The following EXT1 variants were observed in gnomAD, a reference collection of about 807,000 sequenced individuals.
EXT1 encodes the protein exostosin glycosyltransferase 1.
Under a neutral mutation model 82.5 loss-of-function variants are expected in EXT1, and 20 were observed. The ratio of observed to expected loss-of-function variants is 0.24; its 90% CI spans 0.17 to 0.35. The LOEUF is 0.35. Ranked by LOEUF, EXT1 falls within the 10% of genes least tolerant of loss-of-function variation. EXT1 has a pLI of 1.00. For missense variants in EXT1, 757 were observed against 936.5 expected, an observed-to-expected ratio of 0.81 and a Z score of 2.50; for synonymous variants, 348 against 350.8, an observed-to-expected ratio of 0.99 and a Z score of 0.09.
chr8:118,029,300 C>A (rs1370733650), intron 1 of EXT1, among the ~76,000 whole-genome samples: 1 of 152,084 alleles, frequency 6.6e-6, no homozygotes, highest in African/African-American at 2.4e-5. Flanking sequence ...GCGGTGTGCA[C>A]CTGTAGTCCT....
intron 1 of EXT1, among the ~76,000 whole-genome samples, chr8:118,091,030 A>G (rs1037471738): frequency 6.6e-6 from 1 of 152,074 alleles, no homozygotes; most frequent in African/African-American, 2.4e-5. Context: ...CTGAAACACC[A>G]AAGAAGTCAA....
intron 8 of EXT1, 38 bp from the exon 9 acceptor site, chr8:117,807,415 T>G (rs964656798): frequency 1.2e-6 from 2 of 1,612,884 alleles, no homozygotes; most frequent in African/African-American, 1.3e-5. Flanking sequence ...CAATCAACAG[T>G]GTTAACAAAT....
chr8:117,836,792 G>A lies in EXT1; in HGVS notation c.1056+316C>T, dbSNP rs1563575567. On this transcript the variant is annotated intron_variant, in intron 2 of 10. Coordinates refer to ENST00000378204, the MANE Select transcript of EXT1 (RefSeq NM_000127.3). The stretch of plus-strand genomic sequence containing the variant: ...CTTTTAGAGAGTACCACGAATAAAG[G>A]GAAAGTGTAGGGCTGCTTTTTAGAG... 2.8e-5 allele frequency among the ~76,000 whole-genome samples: 4 copies of A among 142,094 alleles called. No homozygotes were observed. The South Asian group carries it at 6.4e-4, about 23-fold the overall frequency. The allele number at this position is 142,094 out of a possible 152,430, so 93.2% of individuals were successfully genotyped here. A position where few individuals can be genotyped will look rare whatever the true frequency, so the allele number is the denominator to read the frequency against.
chr8:117,970,876 T>C (rs1381609029), intron 1 of EXT1, among the ~76,000 whole-genome samples: 1 of 152,218 alleles, frequency 6.6e-6, no homozygotes, highest in Non-Finnish European at 1.5e-5. Context: ...CGGTGAATCC[T>C]GGGTAATCCG....
chr8:117,978,972 C>A (rs532179349), intron 1 of EXT1, among the ~76,000 whole-genome samples: 3 of 152,076 alleles, frequency 2.0e-5, no homozygotes, highest in Non-Finnish European at 4.4e-5. Flanking sequence ...AGAGTGGACC[C>A]CTAGAAATGA....
intron 1 of EXT1, among the ~76,000 whole-genome samples, chr8:118,104,709 T>G (rs1338663028): frequency 6.6e-6 from 1 of 152,196 alleles, no homozygotes; most frequent in Admixed American, 6.5e-5. Context: ...CATCCCTAAT[T>G]CAAAAATCCG....
At chr8:118,077,118 C>T (rs1124094) in intron 1 of EXT1, among the ~76,000 whole-genome samples, 3,024 of 152,222 alleles carry the variant, frequency 0.02, 69 homozygotes, top group African/African-American at 0.053. Context: ...CTACCAAGTC[C>T]AGAATTTCTA....
intron 1 of EXT1, among the ~76,000 whole-genome samples, chr8:117,949,103 T>C (rs1222206440): frequency 6.6e-6 from 1 of 152,184 alleles, no homozygotes; most frequent in Non-Finnish European, 1.5e-5. Flanking sequence ...AAGAGATAGG[T>C]TAATGTATCC....
At chr8:118,094,074 G>T (rs1482679686) in intron 1 of EXT1, among the ~76,000 whole-genome samples, 1 of 152,200 alleles carries the variant, frequency 6.6e-6, no homozygotes, top group African/African-American at 2.4e-5. Context: ...ATCTCGCACA[G>T]GTTTATCTCT....
intron 1 of EXT1, among the ~76,000 whole-genome samples, chr8:117,936,625 A>G (rs1814169416): frequency 1.3e-5 from 2 of 152,206 alleles, no homozygotes; most frequent in Admixed American, 1.3e-4. Context: ...TTGTAATCCC[A>G]GCACTTTCGG....
intron 1 of EXT1, among the ~76,000 whole-genome samples, chr8:117,998,729 A>G (rs1693202557): frequency 6.6e-6 from 1 of 152,202 alleles, no homozygotes; most frequent in Non-Finnish European, 1.5e-5. Flanking sequence ...AATACAGGCA[A>G]GGCTGCTGGG....
chr8:117,897,401 G>T (rs1045170591), intron 1 of EXT1, among the ~76,000 whole-genome samples: 10 of 152,198 alleles, frequency 6.6e-5, no homozygotes, highest in Middle Eastern at 3.4e-3. Flanking sequence ...TATCTTTACT[G>T]CAGGTCTCCT....
rs997886497 is a variant in EXT1 at position 117,859,807 on chromosome 8, T to C, written c.963-22606A>G. Among the ~76,000 whole-genome samples, 3 of 152,196 alleles carry C rather than the reference T, an allele frequency of 2.0e-5. No individual in the cohort carries two copies. The East Asian group carries it at 5.8e-4, about 29-fold the overall frequency. On this transcript the variant is annotated intron_variant, in intron 1 of 10. Transcript: ENST00000378204. Reference sequence around the variant, plus strand: ...TGATTGGATTAAATAAATGGTGGTATGTATGTATATACCATGGGATACTAA... The same window carrying C: ...TGATTGGATTAAATAAATGGTGGTACGTATGTATATACCATGGGATACTAA...
At chr8:118,075,006 C>A (rs1339188418) in intron 1 of EXT1, among the ~76,000 whole-genome samples, 2 of 152,184 alleles carry the variant, frequency 1.3e-5, no homozygotes, top group Non-Finnish European at 2.9e-5. Flanking sequence ...CCCATCACTA[C>A]AATAAAACAC....
intron 1 of EXT1, among the ~76,000 whole-genome samples, chr8:118,079,474 T>C (rs1490898765): frequency 1.3e-5 from 2 of 152,312 alleles, no homozygotes; most frequent in Non-Finnish European, 2.9e-5. Flanking sequence ...AGGAAACTCA[T>C]TTCTAAACTT....
intron 1 of EXT1, among the ~76,000 whole-genome samples, chr8:118,042,030 G>T (rs191672899): frequency 6.6e-6 from 1 of 152,084 alleles, no homozygotes; most frequent in Non-Finnish European, 1.5e-5. Context: ...CGGGTTGGAT[G>T]AGGAGCTCTG....
At chr8:117,881,381 AT>A (rs1265097731) in intron 1 of EXT1, among the ~76,000 whole-genome samples, 2 of 152,208 alleles carry the variant, frequency 1.3e-5, no homozygotes, top group African/African-American at 4.8e-5. Flanking sequence ...TGCCTGACTC[AT>A]TTAGGAGGGC....
chr8:117,976,955 T>G (rs1458644481), intron 1 of EXT1, among the ~76,000 whole-genome samples: 1 of 152,134 alleles, frequency 6.6e-6, no homozygotes, highest in African/African-American at 2.4e-5. Context: ...AGAGGGGCCC[T>G]GAATACTGAG....
rs28357306 is a variant in EXT1 at position 118,044,051 on chromosome 8, G to T, written c.962+66034C>A. On this transcript the variant is annotated intron_variant, in intron 1 of 10. Transcript: ENST00000378204. ...ATTGGCCCTTCAAAAATTCTGCTTT[G>T]CCAGTGTCTCTTTCTTACCTTAAGA... 5.3e-4 allele frequency among the ~76,000 whole-genome samples: 80 copies of T among 152,190 alleles called. 1 individual carries two copies. In the East Asian group the frequency reaches 0.015, roughly 28 times the overall value.
Sources: gnomAD v4.1 joint callset for allele counts (sites outside exome capture counted in the v4.1 genomes callset) on GRCh38, gnomAD v4.1.1 for gene constraint, MANE v1.5 for transcripts, NCBI Gene and HGNC (gene_info 2026-07-23, HGNC 2026-07-21) for gene names.